Variants in SMYD3 observed in about 807,000 individuals in gnomAD.
SMYD3 encodes histone-lysine N-methyltransferase SMYD3.
In SMYD3, 36 loss-of-function variants were observed where a neutral mutation model predicts 57.7. The observed-to-expected ratio is 0.62, with a 90% confidence interval of 0.48 to 0.82. SMYD3 has a LOEUF of 0.82. Among genes scored for constraint, SMYD3 ranks in the 40% least tolerant of loss-of-function variants. The pLI is 0.00. For synonymous variants in SMYD3, 211 were observed against 195.0 expected, an observed-to-expected ratio of 1.08 and a Z score of -0.68; for missense variants, 515 against 538.8, an observed-to-expected ratio of 0.96 and a Z score of 0.44.
At chr1:246,180,100 G>C (rs1030621008) in intron 5 of SMYD3, among the ~76,000 whole-genome samples, 1 of 151,146 alleles carries the variant, frequency 6.6e-6, no homozygotes, top group Non-Finnish European at 1.5e-5. Context: ...TTGAGCCACA[G>C]AGTTCAAGAC....
intron 5 of SMYD3, among the ~76,000 whole-genome samples, chr1:246,167,427 T>TTAC (rs2062235610): frequency 6.6e-6 from 1 of 152,166 alleles, no homozygotes; most frequent in Non-Finnish European, 1.5e-5. Flanking sequence ...ATTTTCCATT[T>TTAC]TACTGATCAC....
At chr1:245,928,776 C>T (rs1186294644) in intron 6 of SMYD3, among the ~76,000 whole-genome samples, 1 of 152,188 alleles carries the variant, frequency 6.6e-6, no homozygotes, top group Non-Finnish European at 1.5e-5. Flanking sequence ...AAATGGCCGC[C>T]TTTGCTAGAA....
chr1:246,053,238 T>C (rs1197528704), intron 5 of SMYD3, among the ~76,000 whole-genome samples: 1 of 152,130 alleles, frequency 6.6e-6, no homozygotes, highest in African/African-American at 2.4e-5. Context: ...ATGTTCACGA[T>C]TCAATATTAA....
At chr1:246,452,713 A>G (rs1231380583) in intron 1 of SMYD3, among the ~76,000 whole-genome samples, 1 of 152,206 alleles carries the variant, frequency 6.6e-6, no homozygotes, top group Non-Finnish European at 1.5e-5. Flanking sequence ...TGACCATCTA[A>G]GTAGATGCCA....
At chr1:246,507,022 G>A in intron 1 of SMYD3, 32 bp downstream of exon 1, 1 of 1,413,160 alleles carries the variant, frequency 7.1e-7, no homozygotes, top group Non-Finnish European at 9.3e-7. Flanking sequence ...CACAGCTCGC[G>A]ACTCAGGTAG....
intron 5 of SMYD3, among the ~76,000 whole-genome samples, chr1:246,310,192 C>CAGCT (rs755160086): frequency 0.015 from 2,356 of 152,248 alleles, 32 homozygotes; most frequent in African/African-American, 0.038. Flanking sequence ...TGAACAAGAC[C>CAGCT]TGCTTTTTTC....
intron 1 of SMYD3, among the ~76,000 whole-genome samples, chr1:246,378,553 G>A (rs947594321): frequency 2.2e-5 from 3 of 137,858 alleles, no homozygotes; most frequent in South Asian, 2.1e-4. Flanking sequence ...TTTGAAACTC[G>A]GACTGGCTCT....
chr1:245,935,853 T>C (rs1364879582), intron 5 of SMYD3, among the ~76,000 whole-genome samples: 1 of 151,974 alleles, frequency 6.6e-6, no homozygotes, highest in African/African-American at 2.4e-5. Context: ...AGTAATAGAG[T>C]ATAATGGTGG....
intron 5 of SMYD3, among the ~76,000 whole-genome samples, chr1:246,306,520 A>G (rs752650557): frequency 1.3e-5 from 2 of 152,200 alleles, no homozygotes; most frequent in African/African-American, 2.4e-5. Context: ...AACCACTAAC[A>G]GATATGGCTT....
intron 2 of SMYD3, among the ~76,000 whole-genome samples, chr1:246,350,222 T>C (rs2065801368): frequency 6.6e-6 from 1 of 152,206 alleles, no homozygotes; most frequent in Admixed American, 6.5e-5. Flanking sequence ...CATTCAATCA[T>C]ATAATCATGG....
intron 5 of SMYD3, among the ~76,000 whole-genome samples, chr1:246,243,015 C>A (rs12077630): frequency 3.9e-5 from 6 of 152,100 alleles, no homozygotes; most frequent in Non-Finnish European, 5.9e-5. Context: ...GAGACATTAA[C>A]GCCCCACTGT....
chr1:246,317,215 A>G (rs2065175910), intron 5 of SMYD3, among the ~76,000 whole-genome samples: 1 of 152,238 alleles, frequency 6.6e-6, no homozygotes, highest in Non-Finnish European at 1.5e-5. Context: ...ATTGACTCAA[A>G]AAACAATTAC....
intron 5 of SMYD3, among the ~76,000 whole-genome samples, chr1:246,247,741 CTT>C (rs1049030484): frequency 6.6e-6 from 1 of 151,918 alleles, no homozygotes; most frequent in African/African-American, 2.4e-5. Context: ...ACAGTTAACA[CTT>C]TTTATTTTCT....
intron 5 of SMYD3, among the ~76,000 whole-genome samples, chr1:246,099,518 C>A (rs1472619676): frequency 6.6e-6 from 1 of 152,078 alleles, no homozygotes; most frequent in Non-Finnish European, 1.5e-5. Context: ...CCCAATGGGG[C>A]TAAGAAAAAC....
chr1:246,233,000 G>A (rs1470480422), intron 5 of SMYD3, among the ~76,000 whole-genome samples: 13 of 128,774 alleles, frequency 1.0e-4, no homozygotes, highest in African/African-American at 2.6e-4. Context: ...GAGGAGAAGC[G>A]CTCCTTCAAT....
At chr1:246,195,355 T>C (rs1344406494) in intron 5 of SMYD3, among the ~76,000 whole-genome samples, 1 of 152,164 alleles carries the variant, frequency 6.6e-6, no homozygotes, top group Non-Finnish European at 1.5e-5. Context: ...GAGTTCAATT[T>C]TGGTTAGATT....
At chr1:246,245,412 T>A (rs533921293) in intron 5 of SMYD3, among the ~76,000 whole-genome samples, 1 of 151,972 alleles carries the variant, frequency 6.6e-6, no homozygotes, top group Non-Finnish European at 1.5e-5. Flanking sequence ...CACTGTACTC[T>A]AGCCTGGGTG....
chr1:246,002,753 A>G (rs2059099805), intron 5 of SMYD3, among the ~76,000 whole-genome samples: 1 of 150,800 alleles, frequency 6.6e-6, no homozygotes, highest in Non-Finnish European at 1.5e-5. Context: ...CGCCCGGCCC[A>G]TTATTATTTC....
At chr1:245,987,067 A>T (rs2058720114) in intron 5 of SMYD3, among the ~76,000 whole-genome samples, 1 of 152,230 alleles carries the variant, frequency 6.6e-6, no homozygotes, top group South Asian at 2.1e-4. Context: ...CATGCGAGAT[A>T]AAACGGATCA....
Sources: allele counts gnomAD v4.1 joint callset (sites outside exome capture counted in the v4.1 genomes callset), GRCh38; gene constraint gnomAD v4.1.1; transcripts MANE v1.5; gene names NCBI Gene and HGNC (gene_info 2026-07-23, HGNC 2026-07-21).